SF3A3: variants seen among roughly 807,000 people sequenced by gnomAD.
The protein encoded by SF3A3 is SAP 61.
Under a neutral mutation model 85.8 loss-of-function variants are expected in SF3A3, and 9 were observed. The observed-to-expected ratio is 0.10, with a 90% CI of 0.06 to 0.18. The LOEUF is 0.18. Ranked by LOEUF, SF3A3 falls within the 10% of genes least tolerant of loss-of-function variation. The pLI, the probability that SF3A3 is intolerant of heterozygous loss-of-function variation, is 1.00. For synonymous variants in SF3A3, 195 were observed against 204.4 expected, an observed-to-expected ratio of 0.95 and a Z score of 0.39; for missense variants, 306 against 593.3, an observed-to-expected ratio of 0.52 and a Z score of 5.03.
chr1:37,986,195 G>A lies in SF3A3; in HGVS notation c.303+1378C>T, dbSNP rs370336741. 2.6e-5 allele frequency among the ~76,000 whole-genome samples: 4 copies of A among 152,076 alleles called. No homozygotes were observed. In the East Asian group the frequency reaches 5.8e-4, roughly 22 times the overall value. On this transcript the variant is annotated intron_variant, in intron 4 of 16. Coordinates refer to ENST00000373019, the MANE Select transcript of SF3A3 (RefSeq NM_006802.4). ...ACTCCTGACCTCAGATGATCGACCC[G>A]CCTCGGCCTCCCAAAGTGCTGGGAT...
At position 37,987,795 on chromosome 1, in the gene SF3A3, A is replaced by T; in HGVS notation, c.186T>A (p.Asp62Glu). The change falls in exon 3 of 17, where the codon GAT becomes GAA. Residue 62 changes from aspartate (D) to glutamate (E), a missense_variant. Asp to Glu is a conservative substitution (Grantham distance 45). Around this residue, in one of 4 missense-constraint regions of SF3A3, gnomAD observed 152 missense variants for 192.0 expected, o/e 0.79. Coordinates refer to ENST00000373019, the MANE Select transcript of SF3A3 (RefSeq NM_006802.4). Reference sequence around the variant, plus strand: ...TGACTGTCACTTACCCATCCTTATCATCATACAAATCCCTCAGGTTCCCAC... The same window carrying T: ...TGACTGTCACTTACCCATCCTTATCTTCATACAAATCCCTCAGGTTCCCAC... Reference protein sequence around the residue: ...EVSGNLRDLYDDKDGLRKEEL... With the variant: ...EVSGNLRDLYEDKDGLRKEEL... 6.2e-7 allele frequency: 1 copy of T among 1,613,546 alleles called. No homozygotes were observed. The highest frequency in any genetic ancestry group is 1.1e-5 in the South Asian group (1 of 91,062).
At chr1:37,988,783 G>C (rs1330442332) in intron 2 of SF3A3, among the ~76,000 whole-genome samples, 2 of 151,932 alleles carry the variant, frequency 1.3e-5, no homozygotes, top group Non-Finnish European at 2.9e-5. Flanking sequence ...ACTATTACCA[G>C]ACAAATGCAG....
At chr1:37,958,816 T>C (rs960317089) in intron 16 of SF3A3, among the ~76,000 whole-genome samples, 4 of 152,232 alleles carry the variant, frequency 2.6e-5, no homozygotes, top group South Asian at 2.1e-4. Flanking sequence ...AGGGAGGCTA[T>C]TGTCAGTTAC....
At chr1:37,964,381 A>G (rs1160293855) in intron 15 of SF3A3, among the ~76,000 whole-genome samples, 1 of 152,084 alleles carries the variant, frequency 6.6e-6, no homozygotes, top group East Asian at 1.9e-4. Context: ...AAGGCAGGCA[A>G]GTCACCTGAG....
chr1:37,972,060 T>A (rs1646348306), intron 12 of SF3A3, among the ~76,000 whole-genome samples: 1 of 152,134 alleles, frequency 6.6e-6, no homozygotes, highest in African/African-American at 2.4e-5. Context: ...AAAAAGGAAG[T>A]CAAATTGTCC....
chr1:37,987,703 G>A, intron 3 of SF3A3, 25 bp from the exon 4 acceptor site: 2 of 1,609,836 alleles, frequency 1.2e-6, no homozygotes, highest in Non-Finnish European at 1.7e-6. Context: ...AAATTTCAAA[G>A]AAGATAGAGC....
Position 37,967,175 on chromosome 1 carries a change from G to C in SF3A3, c.1372+869C>G, listed in dbSNP as rs559949646. Among the ~76,000 whole-genome samples, 13 of 116,674 alleles carry C rather than the reference G, an allele frequency of 1.1e-4. No individual in the cohort carries two copies. The East Asian group carries it at 3.2e-3, about 29-fold the overall frequency. The allele number at this position is 116,674 out of a possible 152,430, so 76.5% of individuals were successfully genotyped here. On this transcript the variant is annotated intron_variant, in intron 15 of 16. Transcript: ENST00000373019. ...GGAGGCTGAGGCAGGAGAATTGCTT[G>C]AGCCCAGGAGACGGAGGTTGCAGGA...
rs1277243374 is a variant in SF3A3, at chr1:37,987,766, G to A, written c.197+18C>T. 2 of 1,609,950 alleles carry A rather than the reference G, an allele frequency of 1.2e-6. No individual in the cohort carries two copies. The highest frequency in any genetic ancestry group is 1.7e-6 in the Non-Finnish European group (2 of 1,176,250). On this transcript the variant is annotated intron_variant, in intron 3 of 16. Transcript: ENST00000373019. ...CTCAGAAGCACTAACTCCTGGATTA[G>A]CTGTGACTGTCACTTACCCATCCTT...
At chr1:37,977,442 C>A (rs1646386227) in intron 11 of SF3A3, among the ~76,000 whole-genome samples, 1 of 152,146 alleles carries the variant, frequency 6.6e-6, no homozygotes, top group Non-Finnish European at 1.5e-5. Flanking sequence ...GTGGCTCATG[C>A]CTGTAATCCC....
chr1:37,966,355 A>G (rs2148716638), intron 15 of SF3A3, among the ~76,000 whole-genome samples: 1 of 152,322 alleles, frequency 6.6e-6, no homozygotes, highest in Non-Finnish European at 1.5e-5. Flanking sequence ...TCAGCAGCAC[A>G]TTCCCTGACA....
In SF3A3 at chr1:37,978,733, T is replaced by C. The variant is rs1646396637; in HGVS notation, c.922A>G (p.Lys308Glu). 1.3e-6 allele frequency: 2 copies of C among 1,561,268 alleles called. No homozygotes were observed. The highest frequency in any genetic ancestry group is 1.7e-6 in the Non-Finnish European group (2 of 1,151,358). ...TSLFAKNPKS[K>E]GTKRDTERNK... is the part of the protein sequence containing the mutation. Reference sequence around the variant, plus strand: ...CCAGCCACTCACCGCTTGGTGCCCTTTGACTTGGGATTTTTGGCAAACAAA... The same window carrying C: ...CCAGCCACTCACCGCTTGGTGCCCTCTGACTTGGGATTTTTGGCAAACAAA... Residue 308 changes from lysine (K) to glutamate (E), a missense_variant, in exon 11 of 17, where the codon AAG (lysine) becomes GAG (glutamate). Transcript: ENST00000373019.
intron 15 of SF3A3, among the ~76,000 whole-genome samples, chr1:37,966,295 G>C (rs1041961990): frequency 1.9e-4 from 29 of 151,998 alleles, no homozygotes; most frequent in Non-Finnish European, 3.7e-4. Flanking sequence ...GGCAGAGAAA[G>C]CTACTACTGC....
rs375979684 is a variant in SF3A3 at position 37,987,525 on chromosome 1, G to C, written c.303+48C>G. The stretch of plus-strand genomic sequence containing the variant: ...CAGTTTCCTTTATACCTTTCCTTTA[G>C]TATGCTTTAAGGATAGGTCTGGAGA... On this transcript the variant is annotated intron_variant, in intron 4 of 16. Coordinates refer to ENST00000373019, the MANE Select transcript of SF3A3 (RefSeq NM_006802.4). The C allele has an allele frequency of 3.8e-6, 5 of 1,323,172 alleles. No individual in the cohort carries two copies. In the African/African-American group the frequency reaches 5.8e-5, roughly 15 times the overall value. 82.0% of individuals were successfully genotyped at this position (1,323,172 alleles called of 1,614,324 possible).
At chr1:37,983,127 G>A (rs552391429) in intron 6 of SF3A3, among the ~76,000 whole-genome samples, 84 of 150,746 alleles carry the variant, frequency 5.6e-4, no homozygotes, top group African/African-American at 1.8e-3. Flanking sequence ...TAGTAGAGAC[G>A]GGGTTTCTCC....
At position 37,989,561 on chromosome 1, in the gene SF3A3, C is replaced by A; in HGVS notation, c.131G>T (p.Arg44Leu). 1 of 1,613,938 alleles carries A rather than the reference C, an allele frequency of 6.2e-7. No homozygotes were observed. Among genetic ancestry groups the A allele is most frequent in the South Asian group, 1.1e-5 (1 of 91,056 alleles). The stretch of plus-strand genomic sequence containing the variant: ...CTGGGCACTCACATCTTGCATGGCC[C>A]GAGTGCGGTGATCAGAATTGATCTG... ...RDQINSDHRT[R>L]AMQDRYMEVS... Residue 44 changes from arginine to leucine, a missense_variant, in exon 2 of 17, where the codon CGG (arginine) becomes CTG (leucine). Physicochemically the swap from Arg to Leu is moderately radical, Grantham distance 102. This residue lies in a region of SF3A3 where 152 missense variants were observed against 192.0 expected (regional missense o/e 0.79). Coordinates refer to ENST00000373019, the MANE Select transcript of SF3A3 (RefSeq NM_006802.4).
At chr1:37,964,818 T>C (rs1156680936) in intron 15 of SF3A3, among the ~76,000 whole-genome samples, 1 of 152,188 alleles carries the variant, frequency 6.6e-6, no homozygotes, top group African/African-American at 2.4e-5. Context: ...TTCTATAGCC[T>C]CAAACACAAG....
chr1:37,974,426 C>T (rs1646365674), intron 12 of SF3A3, among the ~76,000 whole-genome samples: 1 of 151,566 alleles, frequency 6.6e-6, no homozygotes, highest in Admixed American at 6.6e-5. Context: ...CCTCAGCCTC[C>T]CGAGTAGCTG....
chr1:37,977,020 G>C (rs1646383722), intron 11 of SF3A3, 67 bp from the exon 12 acceptor site: 1 of 1,104,266 alleles, frequency 9.1e-7, no homozygotes, highest in South Asian at 1.3e-5. Flanking sequence ...CCCTATATCT[G>C]GGAACATTTA....
intron 15 of SF3A3, among the ~76,000 whole-genome samples, chr1:37,963,049 C>T (rs929932343): frequency 2.0e-5 from 3 of 150,598 alleles, no homozygotes; most frequent in African/African-American, 7.4e-5. Flanking sequence ...GATCGCGCCA[C>T]TGCACTCTAG....
Sources: allele counts gnomAD v4.1 joint callset (sites outside exome capture counted in the v4.1 genomes callset), GRCh38; gene constraint gnomAD v4.1.1; regional missense constraint gnomAD v4.1.1; transcripts MANE v1.5; gene names NCBI Gene and HGNC (gene_info 2026-07-23, HGNC 2026-07-21).